CDH13: variants seen among roughly 807,000 people sequenced by gnomAD.
CDH13 encodes cadherin 13.
CDH13 carries 24 observed loss-of-function variants against 63.8 expected under a neutral mutation model. That is an observed-to-expected ratio of 0.38 (90% CI 0.27 to 0.53). The LOEUF (loss-of-function observed/expected upper bound fraction) is 0.53, where lower values mean the gene tolerates loss of function less well. Ranked by LOEUF, CDH13 falls within the 20% of genes least tolerant of loss-of-function variation. The probability of loss-of-function intolerance (pLI) is 0.85; values close to 1 mark genes in which losing one functional copy is unlikely to be tolerated. For missense variants in CDH13, 1,049 were observed against 903.1 expected, an observed-to-expected ratio of 1.16 and a Z score of -2.07; for synonymous variants, 503 against 355.3, an observed-to-expected ratio of 1.42 and a Z score of -4.67.
intron 1 of CDH13, among the ~76,000 whole-genome samples, chr16:82,726,262 T>A (rs1388238792): frequency 6.6e-6 from 1 of 152,092 alleles, no homozygotes; most frequent in Non-Finnish European, 1.5e-5. Context: ...GTAAAGTAAA[T>A]ATTTTAGCCT....
intron 5 of CDH13, among the ~76,000 whole-genome samples, chr16:83,288,393 G>A (rs774816998): frequency 1.9e-4 from 29 of 152,196 alleles, no homozygotes; most frequent in African/African-American, 1.2e-4. Context: ...TGGAGGAGGA[G>A]GGAATCAAAT....
At chr16:83,412,556 T>A (rs2092143208) in intron 6 of CDH13, among the ~76,000 whole-genome samples, 2 of 152,260 alleles carry the variant, frequency 1.3e-5, no homozygotes, top group South Asian at 4.1e-4. Flanking sequence ...GTGATACTGA[T>A]GCAGCCACCT....
In CDH13 at chr16:83,550,322, T is replaced by C. The variant is rs191729557; in HGVS notation, c.961-52132T>C. On this transcript the variant is annotated intron_variant, in intron 7 of 13. Transcript: ENST00000567109. ...GAAGCCTTTTTCAACCAGGGGGCGC[T>C]GACAGAAGTTGTCAACACGTCTGGC... is the stretch of plus-strand genomic sequence containing the variant. Among the ~76,000 whole-genome samples the C allele has an allele frequency of 9.5e-4, 145 of 152,350 alleles. 2 individuals are homozygous for C. Among genetic ancestry groups the C allele is most frequent in the African/African-American group, 3.1e-3 (128 of 41,590 alleles).
chr16:83,683,527 C>T (rs147618770), intron 10 of CDH13, among the ~76,000 whole-genome samples: 3 of 152,298 alleles, frequency 2.0e-5, no homozygotes, highest in East Asian at 1.9e-4. Flanking sequence ...CGCTGAACAG[C>T]TTTCTGTCCC....
At chr16:82,924,564 C>T (rs765873370) in intron 2 of CDH13, among the ~76,000 whole-genome samples, 10 of 152,080 alleles carry the variant, frequency 6.6e-5, no homozygotes, top group African/African-American at 2.4e-4. Context: ...TGTTGTCAAT[C>T]GTGTCTTGAG....
At chr16:83,524,519 C>G (rs1388660844) in intron 7 of CDH13, among the ~76,000 whole-genome samples, 2 of 142,274 alleles carry the variant, frequency 1.4e-5, no homozygotes, top group Non-Finnish European at 3.0e-5. Context: ...GTGGCGCGCT[C>G]TCGGCTTACT....
chr16:82,839,755 C>T (rs2038929902), intron 1 of CDH13, among the ~76,000 whole-genome samples: 1 of 152,176 alleles, frequency 6.6e-6, no homozygotes, highest in Admixed American at 6.5e-5. Flanking sequence ...CTAGTGTAGT[C>T]CCCCAGCCTA....
intron 5 of CDH13, among the ~76,000 whole-genome samples, chr16:83,246,174 C>G (rs1029571832): frequency 1.3e-5 from 2 of 152,194 alleles, no homozygotes; most frequent in Non-Finnish European, 2.9e-5. Context: ...TCTGCAAGTG[C>G]ATTAGTTTTG....
chr16:83,293,502 G>T (rs2089513883), intron 5 of CDH13, among the ~76,000 whole-genome samples: 1 of 152,154 alleles, frequency 6.6e-6, no homozygotes, highest in Admixed American at 6.5e-5. Flanking sequence ...CTTTATCCAT[G>T]TCAGCAGTCT....
chr16:83,024,352 T>C (rs922290195), intron 2 of CDH13, among the ~76,000 whole-genome samples: 7 of 152,190 alleles, frequency 4.6e-5, no homozygotes, highest in African/African-American at 1.7e-4. Context: ...AATTTTATAA[T>C]TTAAAGGGTC....
At chr16:82,879,870 C>G (rs1167090645) in intron 2 of CDH13, among the ~76,000 whole-genome samples, 2 of 140,258 alleles carry the variant, frequency 1.4e-5, no homozygotes, top group African/African-American at 5.2e-5. Flanking sequence ...ATAGATTTAT[C>G]TAAATATATG....
intron 4 of CDH13, among the ~76,000 whole-genome samples, chr16:83,211,120 C>T (rs2039326604): frequency 6.6e-6 from 1 of 150,632 alleles, no homozygotes; most frequent in African/African-American, 2.4e-5. Context: ...TGCACTCCAG[C>T]CTGGGTGACA....
chr16:82,768,630 A>G (rs1020961550), intron 1 of CDH13, among the ~76,000 whole-genome samples: 1 of 152,114 alleles, frequency 6.6e-6, no homozygotes, highest in African/African-American at 2.4e-5. Flanking sequence ...CCCTATCTCA[A>G]AATCTTTGGG....
chr16:83,307,675 A>T (rs986615435), intron 5 of CDH13, among the ~76,000 whole-genome samples: 2 of 152,196 alleles, frequency 1.3e-5, no homozygotes, highest in Admixed American at 1.3e-4. Flanking sequence ...TAGCTATGTT[A>T]ATAATAGAAA....
At chr16:82,659,684 T>C (rs1732931617) in intron 1 of CDH13, among the ~76,000 whole-genome samples, 1 of 151,392 alleles carries the variant, frequency 6.6e-6, no homozygotes, top group South Asian at 2.1e-4. Context: ...ACAATGGGGG[T>C]AACATGGACT....
At chr16:83,173,055 A>G (rs976048736) in intron 4 of CDH13, among the ~76,000 whole-genome samples, 1 of 152,096 alleles carries the variant, frequency 6.6e-6, no homozygotes, top group African/African-American at 2.4e-5. Flanking sequence ...CTTGGCACTA[A>G]TGTGACTATT....
intron 2 of CDH13, among the ~76,000 whole-genome samples, chr16:82,876,485 AAAATT>A (rs2040507868): frequency 6.6e-6 from 1 of 152,206 alleles, no homozygotes; most frequent in Non-Finnish European, 1.5e-5. Flanking sequence ...CAAGTTTTGT[AAAATT>A]AAATAAATCC....
intron 4 of CDH13, among the ~76,000 whole-genome samples, chr16:83,168,265 A>C (rs1022347876): frequency 6.6e-6 from 1 of 152,068 alleles, no homozygotes; most frequent in Non-Finnish European, 1.5e-5. Context: ...AAAAAACCCC[A>C]AAGAGCTTAG....
intron 7 of CDH13, among the ~76,000 whole-genome samples, chr16:83,590,291 C>G (rs1316703337): frequency 1.3e-5 from 2 of 152,080 alleles, no homozygotes; most frequent in African/African-American, 2.4e-5. Context: ...GAGATGGGGA[C>G]TTGACATCAT....
Sources: allele counts gnomAD v4.1 joint callset (sites outside exome capture counted in the v4.1 genomes callset), GRCh38; gene constraint gnomAD v4.1.1; transcripts MANE v1.5; gene names NCBI Gene and HGNC (gene_info 2026-07-23, HGNC 2026-07-21).